The following PKP4 variants were observed in gnomAD, a reference collection of about 807,000 sequenced individuals.
The protein encoded by PKP4 is plakophilin-4.
A neutral mutation model predicts 145.1 loss-of-function variants in PKP4; 90 were observed. The ratio of observed to expected loss-of-function variants is 0.62; its 90% CI spans 0.52 to 0.74. The LOEUF is 0.74. Among genes scored for constraint, PKP4 ranks in the 30% least tolerant of loss-of-function variants. The pLI is 0.00. For synonymous variants in PKP4, 563 were observed against 577.2 expected (o/e 0.98, Z 0.35); for missense variants, 1,340 against 1,482.7 (o/e 0.90, Z 1.58).
chr2:158,532,525 C>T (rs577164030), intron 1 of PKP4, among the ~76,000 whole-genome samples: 1 of 152,152 alleles, frequency 6.6e-6, no homozygotes, highest in Non-Finnish European at 1.5e-5. Context: ...CATCGTTTCC[C>T]CCTATTTTCC....
chr2:158,540,354 T>C (rs2044409992), intron 2 of PKP4, among the ~76,000 whole-genome samples: 1 of 152,158 alleles, frequency 6.6e-6, no homozygotes, highest in African/African-American at 2.4e-5. Flanking sequence ...GTGCCCAAAA[T>C]ATTTATTAGT....
intron 1 of PKP4, among the ~76,000 whole-genome samples, chr2:158,472,763 C>T (rs1438224256): frequency 6.6e-6 from 1 of 151,890 alleles, no homozygotes; most frequent in Non-Finnish European, 1.5e-5. Flanking sequence ...AGAAGCCAGT[C>T]ATCTAATTTT....
intron 2 of PKP4, among the ~76,000 whole-genome samples, chr2:158,550,928 T>C (rs564363657): frequency 6.6e-6 from 1 of 152,330 alleles, no homozygotes; most frequent in East Asian, 1.9e-4. Context: ...AAGATACACA[T>C]AACAGAGAAA....
At chr2:158,617,234 T>C (rs966036177) in intron 4 of PKP4, among the ~76,000 whole-genome samples, 2 of 152,192 alleles carry the variant, frequency 1.3e-5, no homozygotes, top group African/African-American at 4.8e-5. Context: ...AATTTCTGTA[T>C]TTTTAGACAT....
chr2:158,644,445 G>A (rs1283221976), intron 11 of PKP4, among the ~76,000 whole-genome samples: 1 of 152,164 alleles, frequency 6.6e-6, no homozygotes, highest in Non-Finnish European at 1.5e-5. Flanking sequence ...AGGACACATT[G>A]ATGACAGCAT....
chr2:158,533,080 GACTGTAGTCT>G, intron 1 of PKP4, 90 bp from the exon 2 acceptor site: 2 of 1,229,010 alleles, frequency 1.6e-6, no homozygotes, highest in Non-Finnish European at 2.2e-6. Context: ...ATGGTGTGTA[GACTGTAGTCT>G]ACTGTAGTTG....
At chr2:158,608,438 C>G (rs2050828580) in intron 4 of PKP4, among the ~76,000 whole-genome samples, 1 of 152,144 alleles carries the variant, frequency 6.6e-6, no homozygotes, top group African/African-American at 2.4e-5. Flanking sequence ...TAGGCAGATA[C>G]TAATTCAGTG....
At chr2:158,651,288 G>A (rs1331402349) in intron 11 of PKP4, among the ~76,000 whole-genome samples, 3 of 152,026 alleles carry the variant, frequency 2.0e-5, no homozygotes, top group Non-Finnish European at 2.9e-5. Flanking sequence ...ATTTTCACAC[G>A]TATTCAAACT....
intron 11 of PKP4, among the ~76,000 whole-genome samples, chr2:158,644,102 C>T (rs1414549378): frequency 6.6e-6 from 1 of 152,118 alleles, no homozygotes; most frequent in African/African-American, 2.4e-5. Context: ...TAATTGTGTC[C>T]CACATGCAGT....
chr2:158,514,585 T>A (rs1039680043), intron 1 of PKP4, among the ~76,000 whole-genome samples: 9 of 152,354 alleles, frequency 5.9e-5, no homozygotes, highest in African/African-American at 1.9e-4. Flanking sequence ...TGGTACTTTT[T>A]AAAAAATATC....
chr2:158,564,477 C>G (rs912992211), intron 2 of PKP4, among the ~76,000 whole-genome samples: 1 of 151,964 alleles, frequency 6.6e-6, no homozygotes, highest in Non-Finnish European at 1.5e-5. Context: ...TAATATATAC[C>G]ATTGCTTTTA....
rs566428427 is a variant in PKP4, at chr2:158,674,510, G to A, written c.3127+510G>A. 4.6e-5 allele frequency among the ~76,000 whole-genome samples: 7 copies of A among 152,318 alleles called. No individual in the cohort carries two copies. In the East Asian group the frequency reaches 9.7e-4, roughly 21 times the overall value. The stretch of plus-strand genomic sequence containing the variant: ...ACCTGGGAGAGCTGCCTGCTTTCCA[G>A]TTAAACCTCCTTCCTCTGCAGACCC... On this transcript the variant is annotated intron_variant, in intron 19 of 21. Coordinates refer to ENST00000389759, the MANE Select transcript of PKP4 (RefSeq NM_003628.6).
chr2:158,608,808 C>CTTTTTTTTT (rs66933766), intron 4 of PKP4, among the ~76,000 whole-genome samples: 30 of 86,164 alleles, frequency 3.5e-4, no homozygotes, highest in African/African-American at 8.1e-4. Context: ...TCTTTTCTTT[C>CTTTTTTTTT]TTTTTTTTTT....
chr2:158,509,726 T>A (rs2041325126), intron 1 of PKP4, among the ~76,000 whole-genome samples: 1 of 152,166 alleles, frequency 6.6e-6, no homozygotes, highest in Non-Finnish European at 1.5e-5. Flanking sequence ...GGCGAGTGGA[T>A]CACCTGAGGT....
chr2:158,463,529 A>G (rs1049612677), intron 1 of PKP4, among the ~76,000 whole-genome samples: 6 of 152,176 alleles, frequency 3.9e-5, no homozygotes, highest in Admixed American at 3.9e-4. Context: ...CAGTGGTTAA[A>G]TAGATATCAA....
At chr2:158,481,767 A>T (rs1300232689) in intron 1 of PKP4, among the ~76,000 whole-genome samples, 1 of 152,194 alleles carries the variant, frequency 6.6e-6, no homozygotes, top group Non-Finnish European at 1.5e-5. Context: ...TACTATGATT[A>T]CTTTTAGGGA....
chr2:158,562,864 A>G (rs2046663199), intron 2 of PKP4, among the ~76,000 whole-genome samples: 1 of 152,214 alleles, frequency 6.6e-6, no homozygotes, highest in Admixed American at 6.5e-5. Context: ...TTATTTTCAA[A>G]GCATATTTAT....
chr2:158,476,006 C>T (rs960881391), intron 1 of PKP4, among the ~76,000 whole-genome samples: 1 of 152,118 alleles, frequency 6.6e-6, no homozygotes, highest in Non-Finnish European at 1.5e-5. Context: ...TAGTTCTTGT[C>T]TCTCCCTTCC....
At chr2:158,639,798 GCA>G (rs1297607822) in intron 9 of PKP4, among the ~76,000 whole-genome samples, 1 of 152,136 alleles carries the variant, frequency 6.6e-6, no homozygotes, top group East Asian at 1.9e-4. Context: ...GTGTTGGAGG[GCA>G]CAGACTCTGA....
Sources: gnomAD v4.1 joint callset for allele counts (sites outside exome capture counted in the v4.1 genomes callset) on GRCh38, gnomAD v4.1.1 for gene constraint, MANE v1.5 for transcripts, NCBI Gene and HGNC (gene_info 2026-07-23, HGNC 2026-07-21) for gene names.